Variants in GLI3 observed in about 807,000 individuals in gnomAD.
The protein encoded by GLI3 is transcription activator GLI3.
A neutral mutation model predicts 100.8 loss-of-function variants in GLI3; 20 were observed. The ratio of observed to expected loss-of-function variants is 0.20; its 90% CI spans 0.14 to 0.29. The LOEUF (loss-of-function observed/expected upper bound fraction) is 0.29, where lower values mean the gene tolerates loss of function less well. GLI3 is among the 10% of genes least tolerant of loss of function. The probability of loss-of-function intolerance (pLI) is 1.00; values close to 1 mark genes in which losing one functional copy is unlikely to be tolerated. For missense variants in GLI3, 2,040 were observed against 2,128.5 expected (o/e 0.96, Z 0.82); for synonymous variants, 938 against 860.5 (o/e 1.09, Z -1.58).
chr7:42,115,371 C>A (rs1436591928), intron 3 of GLI3, among the ~76,000 whole-genome samples: 1 of 152,092 alleles, frequency 6.6e-6, no homozygotes, highest in African/African-American at 2.4e-5. Flanking sequence ...AACTCCTGAC[C>A]TTAAGTGACC....
chr7:42,113,276 G>A, intron 3 of GLI3: 1 of 548,574 alleles, frequency 1.8e-6, no homozygotes, highest in Non-Finnish European at 3.5e-6. Context: ...TGAAGAAGAA[G>A]AGGCGAGAAC....
intron 3 of GLI3, among the ~76,000 whole-genome samples, chr7:42,081,071 C>A (rs1784987931): frequency 6.6e-6 from 1 of 152,158 alleles, no homozygotes; most frequent in African/African-American, 2.4e-5. Flanking sequence ...GAAGGAAGTG[C>A]CACGAAACCT....
In GLI3 at chr7:41,961,742, TACAG is replaced by T. The variant is rs1434106801; in HGVS notation, c.*2584_*2587del. 1 of 152,118 alleles carries T rather than the reference TACAG, an allele frequency of 6.6e-6. No homozygotes were observed. Among genetic ancestry groups the T allele is most frequent in the East Asian group, 1.9e-4 (1 of 5,176 alleles). The allele number at this position is 152,118 out of a possible 1,614,324, so 9.4% of individuals were successfully genotyped here. A position where few individuals can be genotyped will look rare whatever the true frequency, so the allele number is the denominator to read the frequency against. Reference sequence around the variant, plus strand: ...GTCTCAAGATATGAGATGCCTAGCCTACAGAGATCCCAAAAGGATGTCCCAAAAA... The same window carrying T: ...GTCTCAAGATATGAGATGCCTAGCCTAGATCCCAAAAGGATGTCCCAAAAA... On this transcript the variant is annotated 3_prime_UTR_variant, in exon 15 of 15. Coordinates refer to ENST00000395925, the MANE Select transcript of GLI3 (RefSeq NM_000168.6).
In GLI3 at chr7:42,120,435, C is replaced by G. The variant is rs186492758; in HGVS notation, c.367+27791G>C. ...CCTGGTTCCACAGCAGAAAGACTAA[C>G]TGAACTCCCAGCTGGGAAGGTTTAG... On this transcript the variant is annotated intron_variant, in intron 3 of 14. Transcript: ENST00000395925. Among the ~76,000 whole-genome samples, 7 of 152,288 alleles carry G rather than the reference C, an allele frequency of 4.6e-5. No homozygotes were observed. The East Asian group carries it at 1.4e-3, about 29-fold the overall frequency.
At chr7:42,258,571 A>G (rs1789108664) in intron 1 of GLI3, among the ~76,000 whole-genome samples, 1 of 152,240 alleles carries the variant, frequency 6.6e-6, no homozygotes, top group African/African-American at 2.4e-5. Flanking sequence ...TTTGGGCTAC[A>G]ATAACAAAAT....
chr7:42,238,577 G>A (rs1180089967), upstream of GLI3, among the ~76,000 whole-genome samples: 1 of 152,206 alleles, frequency 6.6e-6, no homozygotes, highest in Non-Finnish European at 1.5e-5. Context: ...CCCCAGGCTT[G>A]GAGCCTGGTC....
chr7:42,101,370 G>C (rs923059754), intron 3 of GLI3, among the ~76,000 whole-genome samples: 1 of 152,180 alleles, frequency 6.6e-6, no homozygotes, highest in Admixed American at 6.5e-5. Flanking sequence ...GGAGGCTGAG[G>C]TGGGAGAACT....
At chr7:42,118,651 C>T (rs1562740168) in intron 3 of GLI3, among the ~76,000 whole-genome samples, 1 of 152,182 alleles carries the variant, frequency 6.6e-6, no homozygotes, top group Non-Finnish European at 1.5e-5. Flanking sequence ...CTGTCAAATT[C>T]AGGCCAGAAT....
intron 3 of GLI3, among the ~76,000 whole-genome samples, chr7:42,115,591 T>C (rs1785833250): frequency 6.6e-6 from 1 of 152,190 alleles, no homozygotes; most frequent in Non-Finnish European, 1.5e-5. Flanking sequence ...CGGGCTGCTA[T>C]TAAGTGCCCT....
In GLI3 at chr7:42,148,336, A is replaced by G. The variant is rs1443869755; in HGVS notation, c.257T>C (p.Ile86Thr). ...STSSDERASL[I>T]KKEIHGSLPH... is the part of the protein sequence containing the mutation. ...CAGGGACCCATGGATCTCTTTCTTG[A>G]TCAATGAGGCCCTCTCGTCACTCGA... Residue 86 changes from isoleucine to threonine, a missense_variant, in exon 3 of 15, where the codon ATC (isoleucine) becomes ACC (threonine). Ile to Thr is a moderately conservative substitution (Grantham distance 89). Coordinates refer to ENST00000395925, the MANE Select transcript of GLI3 (RefSeq NM_000168.6). The G allele has an allele frequency of 6.2e-7, 1 of 1,613,726 alleles. No homozygotes were observed. Among genetic ancestry groups the G allele is most frequent in the Non-Finnish European group, 8.5e-7 (1 of 1,179,930 alleles).
intron 3 of GLI3, among the ~76,000 whole-genome samples, chr7:42,117,742 A>T (rs2128769608): frequency 6.6e-6 from 1 of 152,312 alleles, no homozygotes; most frequent in East Asian, 1.9e-4. Context: ...ATGATCTCAG[A>T]GGCCATACAT....
chr7:41,993,641 C>T (rs1469924019), intron 10 of GLI3, among the ~76,000 whole-genome samples: 1 of 152,122 alleles, frequency 6.6e-6, no homozygotes, highest in Non-Finnish European at 1.5e-5. Flanking sequence ...GGAACAATGC[C>T]CAGCCTATAG....
At chr7:42,086,775 G>C (rs938655540) in intron 3 of GLI3, among the ~76,000 whole-genome samples, 1 of 152,188 alleles carries the variant, frequency 6.6e-6, no homozygotes, top group African/African-American at 2.4e-5. Flanking sequence ...GCCAGAACCA[G>C]TAGGGACGAC....
chr7:42,186,255 A>G (rs756841377), intron 2 of GLI3, among the ~76,000 whole-genome samples: 2 of 152,280 alleles, frequency 1.3e-5, no homozygotes, highest in East Asian at 3.9e-4. Context: ...TCTCTCAACC[A>G]TAATATTCTT....
intron 3 of GLI3, among the ~76,000 whole-genome samples, chr7:42,110,755 T>C (rs1785687574): frequency 6.6e-6 from 1 of 152,230 alleles, no homozygotes; most frequent in Admixed American, 6.5e-5. Context: ...AGGAGGGATT[T>C]GCAATTAAAT....
intron 2 of GLI3, among the ~76,000 whole-genome samples, chr7:42,194,473 A>G (rs971579054): frequency 1.3e-5 from 2 of 152,084 alleles, no homozygotes; most frequent in Admixed American, 1.3e-4. Flanking sequence ...TCCTTTCCCA[A>G]TTAACATCAA....
chr7:42,030,754 T>A (rs1369613927), intron 7 of GLI3, among the ~76,000 whole-genome samples: 1 of 151,444 alleles, frequency 6.6e-6, no homozygotes, highest in East Asian at 1.9e-4. Flanking sequence ...AGACTCGTTC[T>A]GTCTCCCAGG....
intron 1 of GLI3, among the ~76,000 whole-genome samples, chr7:42,257,293 G>A (rs1268959521): frequency 2.0e-5 from 3 of 149,706 alleles, no homozygotes; most frequent in Non-Finnish European, 4.4e-5. Flanking sequence ...TGGCTCTCTG[G>A]TGCAATGTTG....
At chr7:42,000,565 G>A (rs559817636) in intron 10 of GLI3, among the ~76,000 whole-genome samples, 16 of 152,210 alleles carry the variant, frequency 1.1e-4, no homozygotes, top group African/African-American at 3.6e-4. Context: ...AAGCAAGCTT[G>A]TAAACAAAGA....
Sources: allele counts gnomAD v4.1 joint callset (sites outside exome capture counted in the v4.1 genomes callset), GRCh38; gene constraint gnomAD v4.1.1; transcripts MANE v1.5; gene names NCBI Gene and HGNC (gene_info 2026-07-23, HGNC 2026-07-21).